The following CSMD1 variants were observed in gnomAD, a reference collection of about 807,000 sequenced individuals.
CSMD1 encodes CUB and Sushi multiple domains 1, also known as CUB and sushi domain-containing protein 1.
Under a neutral mutation model 417.5 loss-of-function variants are expected in CSMD1, and 213 were observed. That is an observed-to-expected ratio of 0.51 (90% CI 0.46 to 0.57). The LOEUF is 0.57. CSMD1 is among the 20% of genes least tolerant of loss of function. CSMD1 has a pLI of 0.00. For synonymous variants in CSMD1, 2,862 were observed against 1,736.8 expected (o/e 1.65, Z -16.11); for missense variants, 6,923 against 4,529.7 (o/e 1.53, Z -15.17).
intron 2 of CSMD1, among the ~76,000 whole-genome samples, chr8:4,552,771 G>A (rs1007147811): frequency 6.6e-5 from 10 of 152,146 alleles, no homozygotes; most frequent in Non-Finnish European, 1.5e-4. Flanking sequence ...CATCTCAGAA[G>A]GGTGGTAAAG....
intron 52 of CSMD1, among the ~76,000 whole-genome samples, chr8:3,010,986 A>G (rs1808342875): frequency 6.6e-6 from 1 of 152,044 alleles, no homozygotes; most frequent in Non-Finnish European, 1.5e-5. Context: ...TCGGCCTCCC[A>G]AAGTGCTGGG....
At chr8:3,404,558 G>A (rs1995231) in intron 15 of CSMD1, among the ~76,000 whole-genome samples, 79,984 of 151,692 alleles carry the variant, frequency 0.53, 21,281 homozygotes, top group Middle Eastern at 0.62. Flanking sequence ...TTTTAGATAG[G>A]GCAGAAATTC....
chr8:3,228,859 C>T (rs1047742627), intron 27 of CSMD1, among the ~76,000 whole-genome samples: 2 of 152,036 alleles, frequency 1.3e-5, no homozygotes, highest in South Asian at 2.1e-4. Flanking sequence ...GCAATCACTC[C>T]ACTTTAAAAA....
At chr8:4,083,674 T>C (rs963844425) in intron 3 of CSMD1, among the ~76,000 whole-genome samples, 3 of 152,220 alleles carry the variant, frequency 2.0e-5, no homozygotes, top group East Asian at 3.9e-4. Flanking sequence ...TCCTTACACC[T>C]TATACAAAAA....
At chr8:4,047,386 G>C in intron 3 of CSMD1, among the ~76,000 whole-genome samples, 1 of 152,146 alleles carries the variant, frequency 6.6e-6, no homozygotes, top group East Asian at 1.9e-4. Flanking sequence ...AACAATCTTG[G>C]AAACTCAGGA....
intron 4 of CSMD1, among the ~76,000 whole-genome samples, chr8:4,027,634 A>T (rs1428447168): frequency 2.6e-5 from 4 of 152,128 alleles, no homozygotes; most frequent in African/African-American, 7.2e-5. Flanking sequence ...TTTCTTTATA[A>T]ATTACCCAGT....
chr8:3,988,318 C>T (rs1056219930), intron 5 of CSMD1, among the ~76,000 whole-genome samples: 4 of 152,176 alleles, frequency 2.6e-5, no homozygotes, highest in Non-Finnish European at 5.9e-5. Flanking sequence ...GACAAAAGAG[C>T]TTGCATCAAA....
At chr8:3,785,146 C>G (rs539873379) in intron 5 of CSMD1, among the ~76,000 whole-genome samples, 1 of 152,302 alleles carries the variant, frequency 6.6e-6, no homozygotes, top group South Asian at 2.1e-4. Flanking sequence ...AGTTCTTTAA[C>G]TTCTCTTGGC....
chr8:4,186,121 C>A (rs1286401580), intron 3 of CSMD1, among the ~76,000 whole-genome samples: 1 of 152,110 alleles, frequency 6.6e-6, no homozygotes, highest in Admixed American at 6.5e-5. Context: ...GCCAGGCTGT[C>A]ACCAACGATT....
intron 1 of CSMD1, among the ~76,000 whole-genome samples, chr8:4,721,738 A>G (rs939004444): frequency 1.3e-5 from 2 of 152,144 alleles, no homozygotes; most frequent in African/African-American, 4.8e-5. Context: ...CCAGCACCTC[A>G]TAGAAATAGC....
intron 5 of CSMD1, among the ~76,000 whole-genome samples, chr8:3,894,930 C>G (rs964374467): frequency 6.6e-6 from 1 of 152,164 alleles, no homozygotes; most frequent in African/African-American, 2.4e-5. Flanking sequence ...CTGTACCATA[C>G]AGATGACAAT....
At chr8:4,420,106 G>A (rs753895693) in intron 2 of CSMD1, 41 bp from the exon 3 acceptor site, 94 of 1,424,684 alleles carry the variant, frequency 6.6e-5, no homozygotes, top group Middle Eastern at 1.8e-4. Flanking sequence ...TTAAAAGCAT[G>A]AATTTGTCAA....
intron 23 of CSMD1, among the ~76,000 whole-genome samples, chr8:3,328,211 G>C (rs1460601495): frequency 1.3e-5 from 2 of 152,300 alleles, no homozygotes; most frequent in African/African-American, 4.8e-5. Context: ...TTCTGTGTCT[G>C]AGCCTCTAAT....
chr8:3,474,951 C>A (rs1221780630), intron 11 of CSMD1, among the ~76,000 whole-genome samples: 1 of 152,100 alleles, frequency 6.6e-6, no homozygotes, highest in Admixed American at 6.6e-5. Flanking sequence ...CATATTGTAG[C>A]TGCCTGCCTT....
At chr8:4,483,282 A>T (rs1585147948) in intron 2 of CSMD1, among the ~76,000 whole-genome samples, 3 of 152,226 alleles carry the variant, frequency 2.0e-5, no homozygotes, top group African/African-American at 7.2e-5. Context: ...TGAGTCCAAT[A>T]AACCTCTTTC....
intron 3 of CSMD1, among the ~76,000 whole-genome samples, chr8:4,345,111 G>A (rs969331015): frequency 6.6e-6 from 1 of 152,130 alleles, no homozygotes; most frequent in Non-Finnish European, 1.5e-5. Context: ...GCAGCCAAGG[G>A]GAGCTAAACC....
intron 3 of CSMD1, among the ~76,000 whole-genome samples, chr8:4,290,502 A>G (rs565533362): frequency 6.6e-6 from 1 of 152,308 alleles, no homozygotes; most frequent in South Asian, 2.1e-4. Context: ...GCATGAGAAA[A>G]AAAGGACAGA....
chr8:4,438,791 A>G lies in CSMD1; in HGVS notation c.303-18726T>C, dbSNP rs138420145. On this transcript the variant is annotated intron_variant, in intron 2 of 69. Transcript: ENST00000635120. ...GCCCTGAATCACAAGTGCTTGAAGG[A>G]TCAAAAGATTTGCTTATTATTCAAG... 1.5e-3 allele frequency among the ~76,000 whole-genome samples: 227 copies of G among 152,336 alleles called. 1 individual carries two copies. The highest frequency in any genetic ancestry group is 5.1e-3 in the African/African-American group (212 of 41,592).
At chr8:4,590,395 A>C (rs1799925842) in intron 2 of CSMD1, among the ~76,000 whole-genome samples, 1 of 152,150 alleles carries the variant, frequency 6.6e-6, no homozygotes, top group Non-Finnish European at 1.5e-5. Context: ...AGATACTGAA[A>C]GGACTTTGGG....
Sources: allele counts gnomAD v4.1 joint callset (sites outside exome capture counted in the v4.1 genomes callset), GRCh38; gene constraint gnomAD v4.1.1; transcripts MANE v1.5; gene names NCBI Gene and HGNC (gene_info 2026-07-23, HGNC 2026-07-21).